The following NELL1 variants were observed in gnomAD, a reference collection of about 807,000 sequenced individuals.
The protein encoded by NELL1 is neural EGFL like 1.
In NELL1, 76 loss-of-function variants were observed where a neutral mutation model predicts 107.4. The ratio of observed to expected loss-of-function variants is 0.71; its 90% CI spans 0.59 to 0.86. NELL1 has a LOEUF of 0.86. Ranked by LOEUF, NELL1 falls within the 40% of genes least tolerant of loss-of-function variation. NELL1 has a pLI of 0.00. For synonymous variants in NELL1, 353 were observed against 341.2 expected, an observed-to-expected ratio of 1.03 and a Z score of -0.38; for missense variants, 1,024 against 1,005.5, an observed-to-expected ratio of 1.02 and a Z score of -0.25.
At chr11:20,833,128 C>T (rs1858049152) in intron 3 of NELL1, among the ~76,000 whole-genome samples, 1 of 152,154 alleles carries the variant, frequency 6.6e-6, no homozygotes, top group Non-Finnish European at 1.5e-5. Flanking sequence ...AGTTTTGTGT[C>T]TTTGGTCATC....
chr11:21,385,362 G>T (rs1851719416), intron 15 of NELL1, among the ~76,000 whole-genome samples: 1 of 151,860 alleles, frequency 6.6e-6, no homozygotes, highest in Non-Finnish European at 1.5e-5. Flanking sequence ...AGTCTCTAAA[G>T]CCACAATACT....
chr11:20,815,205 C>T (rs1014508773), intron 3 of NELL1, among the ~76,000 whole-genome samples: 13 of 152,122 alleles, frequency 8.5e-5, no homozygotes, highest in Non-Finnish European at 1.6e-4. Flanking sequence ...GCTGGGATTA[C>T]AGGTGCCTGC....
At chr11:20,898,380 T>C (rs1308419153) in intron 5 of NELL1, among the ~76,000 whole-genome samples, 1 of 151,348 alleles carries the variant, frequency 6.6e-6, no homozygotes, top group Non-Finnish European at 1.5e-5. Flanking sequence ...TGACAACACA[T>C]GGACACAGGA....
At chr11:20,915,717 ATTTTTT>A (rs67447563) in intron 5 of NELL1, among the ~76,000 whole-genome samples, 3 of 58,218 alleles carry the variant, frequency 5.2e-5, no homozygotes, top group African/African-American at 2.6e-4. Context: ...ATATATATAT[ATTTTTT>A]TTTTTTTTTT....
At chr11:21,196,004 G>C (rs1857144449) in intron 13 of NELL1, among the ~76,000 whole-genome samples, 1 of 152,184 alleles carries the variant, frequency 6.6e-6, no homozygotes, top group Non-Finnish European at 1.5e-5. Flanking sequence ...CAGAATACTT[G>C]ACATTTCTTT....
At chr11:21,565,285 G>A (rs1856943920) in intron 17 of NELL1, among the ~76,000 whole-genome samples, 1 of 151,830 alleles carries the variant, frequency 6.6e-6, no homozygotes, top group South Asian at 2.1e-4. Context: ...TAAAGGAACA[G>A]GGCGTCTCTT....
At chr11:20,976,043 C>T (rs1337069434) in intron 12 of NELL1, among the ~76,000 whole-genome samples, 2 of 142,332 alleles carry the variant, frequency 1.4e-5, no homozygotes, top group African/African-American at 5.2e-5. Context: ...ATATACATTA[C>T]ATTTATATAT....
intron 12 of NELL1, among the ~76,000 whole-genome samples, chr11:21,096,249 C>T (rs189078071): frequency 6.6e-6 from 1 of 152,234 alleles, no homozygotes; most frequent in East Asian, 1.9e-4. Context: ...TCTTTTCCCA[C>T]CCACCACACT....
chr11:21,475,533 A>G (rs1854308317), intron 15 of NELL1, among the ~76,000 whole-genome samples: 4 of 152,130 alleles, frequency 2.6e-5, no homozygotes, highest in Non-Finnish European at 5.9e-5. Context: ...GGTTGCATCC[A>G]AAAAGGAGCT....
chr11:21,123,989 T>G (rs1485450204), intron 13 of NELL1, among the ~76,000 whole-genome samples: 2 of 152,168 alleles, frequency 1.3e-5, no homozygotes, highest in Non-Finnish European at 2.9e-5. Flanking sequence ...TGAATACATA[T>G]GCACATACAC....
intron 14 of NELL1, among the ~76,000 whole-genome samples, chr11:21,272,477 G>T (rs1848761167): frequency 6.6e-6 from 1 of 152,208 alleles, no homozygotes; most frequent in Non-Finnish European, 1.5e-5. Context: ...ACCTCTAGGG[G>T]CAAGGCACAG....
intron 13 of NELL1, among the ~76,000 whole-genome samples, chr11:21,196,047 GT>G (rs1857145468): frequency 6.6e-6 from 1 of 152,182 alleles, no homozygotes; most frequent in South Asian, 2.1e-4. Context: ...TCTACATCTT[GT>G]GTGTATGATC....
chr11:20,817,672 C>T (rs371314977), intron 3 of NELL1, among the ~76,000 whole-genome samples: 1 of 151,592 alleles, frequency 6.6e-6, no homozygotes, highest in Non-Finnish European at 1.5e-5. Context: ...TTATTTTCTT[C>T]TGCTTGCTTT....
chr11:21,284,805 C>T (rs1300820104), intron 14 of NELL1: 1 of 337,208 alleles, frequency 3.0e-6, no homozygotes, highest in East Asian at 7.6e-5. Context: ...TTACCTCAAA[C>T]TCCACTCCTA....
At chr11:20,961,805 G>T (rs992484055) in intron 12 of NELL1, among the ~76,000 whole-genome samples, 2 of 150,780 alleles carry the variant, frequency 1.3e-5, no homozygotes, top group Non-Finnish European at 3.0e-5. Flanking sequence ...GTGTAGATTT[G>T]GGTATACACA....
At chr11:21,337,791 T>TCTTG (rs1199999155) in intron 14 of NELL1, among the ~76,000 whole-genome samples, 40 of 109,636 alleles carry the variant, frequency 3.6e-4, no homozygotes, top group East Asian at 9.9e-4. Flanking sequence ...TTTCTTTCTT[T>TCTTG]CTTTCCTTCT....
At chr11:20,748,895 T>TCCACCCAG (rs1207730502) in intron 2 of NELL1, among the ~76,000 whole-genome samples, 1 of 141,310 alleles carries the variant, frequency 7.1e-6, no homozygotes, top group African/African-American at 2.8e-5. Context: ...CATCCATCCA[T>TCCACCCAG]CCATCCACCC....
At chr11:20,862,605 C>CTTTTTTTT (rs386373288) in intron 4 of NELL1, among the ~76,000 whole-genome samples, 186 of 94,638 alleles carry the variant, frequency 2.0e-3, no homozygotes, top group East Asian at 2.3e-3. Context: ...TGAGCTGCTG[C>CTTTTTTTT]TTTTTTTTTT....
At chr11:21,232,135 A>G (rs868241412) in intron 14 of NELL1, among the ~76,000 whole-genome samples, 3 of 92,754 alleles carry the variant, frequency 3.2e-5, no homozygotes, top group South Asian at 8.4e-4. Context: ...CTCCATCTCT[A>G]CTAAAAAAAA....
Sources: gnomAD v4.1 joint callset for allele counts (sites outside exome capture counted in the v4.1 genomes callset) on GRCh38, gnomAD v4.1.1 for gene constraint, MANE v1.5 for transcripts, NCBI Gene and HGNC (gene_info 2026-07-23, HGNC 2026-07-21) for gene names.